PLA2R1: variants seen among roughly 807,000 people sequenced by gnomAD.
PLA2R1 encodes phospholipase A2 receptor 1.
Under a neutral mutation model 195.9 loss-of-function variants are expected in PLA2R1, and 158 were observed. The ratio of observed to expected loss-of-function variants is 0.81; its 90% CI spans 0.71 to 0.92. The LOEUF (loss-of-function observed/expected upper bound fraction) is 0.92. Among genes scored for constraint, PLA2R1 ranks in the 40% least tolerant of loss-of-function variants. The pLI, the probability that PLA2R1 is intolerant of heterozygous loss-of-function variation, is 0.00. For missense variants in PLA2R1, 1,626 were observed against 1,764.6 expected (o/e 0.92, Z 1.41); for synonymous variants, 586 against 598.2 (o/e 0.98, Z 0.30).
chr2:160,031,913 C>A (rs1693874674), intron 4 of PLA2R1, among the ~76,000 whole-genome samples: 1 of 152,156 alleles, frequency 6.6e-6, no homozygotes, highest in South Asian at 2.1e-4. Flanking sequence ...ACTACGGGTG[C>A]ATGCCACCAC....
At chr2:159,995,391 A>C (rs1423642654) in intron 11 of PLA2R1, among the ~76,000 whole-genome samples, 1 of 152,090 alleles carries the variant, frequency 6.6e-6, no homozygotes, top group African/African-American at 2.4e-5. Context: ...GATTTTCGAC[A>C]TCTAAATATG....
chr2:160,001,472 C>T (rs1347340918), intron 11 of PLA2R1, among the ~76,000 whole-genome samples: 2 of 151,690 alleles, frequency 1.3e-5, no homozygotes, highest in Non-Finnish European at 3.0e-5. Context: ...TATACATAAT[C>T]ACAAAAAATA....
rs892525770 is a variant in PLA2R1 at position 160,028,445 on chromosome 2, G to A, written c.956-84C>T. ...TTGAAATGTGGTTTTCAGCATCGGG[G>A]GACAGCGTTTCTATTTGTCATATAT... On this transcript the variant is annotated intron_variant, in intron 5 of 29. Transcript: ENST00000283243. 1.2e-5 allele frequency: 11 copies of A among 950,346 alleles called. No homozygotes were observed. The Admixed American group carries it at 2.4e-4, about 21-fold the overall frequency. 58.9% of individuals were successfully genotyped at this position (950,346 alleles called of 1,614,324 possible). A position where few individuals can be genotyped will look rare whatever the true frequency, so the allele number is the denominator to read the frequency against.
At position 159,976,677 on chromosome 2, in the gene PLA2R1, A is replaced by G. The variant is rs2715918; in HGVS notation, c.2437+8T>C. ...TAGAAATTCAAGAGCTGCCAGAGTCATTCTTACCGTACTGGTACCAGAACG... is the reference window on the plus strand; with the variant it reads ...TAGAAATTCAAGAGCTGCCAGAGTCGTTCTTACCGTACTGGTACCAGAACG... On this transcript the variant is annotated splice_region_variant and intron_variant, in intron 16 of 29. Coordinates refer to ENST00000283243, the MANE Select transcript of PLA2R1 (RefSeq NM_007366.5). 0.83 allele frequency: 1,297,494 copies of G among 1,570,482 alleles called. 539,043 individuals are homozygous for G. Among genetic ancestry groups the G allele is most frequent in the African/African-American group, 0.88 (65,403 of 74,170 alleles).
chr2:160,023,624 C>T (rs2105480241), intron 6 of PLA2R1, among the ~76,000 whole-genome samples: 1 of 152,344 alleles, frequency 6.6e-6, no homozygotes, highest in South Asian at 2.1e-4. Context: ...GCCCAAGCTG[C>T]TGCTCTGCCT....
rs544874198 is a variant in PLA2R1, at chr2:159,939,001, A to G, written c.*2777T>C. 11 of 152,276 alleles carry G rather than the reference A, an allele frequency of 7.2e-5. No homozygotes were observed. Among genetic ancestry groups the G allele is most frequent in the African/African-American group, 2.4e-4 (10 of 41,560 alleles). 9.4% of individuals were successfully genotyped at this position (152,276 alleles called of 1,614,324 possible). On this transcript the variant is annotated 3_prime_UTR_variant, in exon 30 of 30. Coordinates refer to ENST00000283243, the MANE Select transcript of PLA2R1 (RefSeq NM_007366.5). ...TCAGGTTAGTCATAGAACATAATTGACTGTTGGAGGGGCACATTAACTATG... is the reference window on the plus strand; with the variant it reads ...TCAGGTTAGTCATAGAACATAATTGGCTGTTGGAGGGGCACATTAACTATG...
In PLA2R1 at chr2:160,028,357, T is replaced by C; in HGVS notation, c.960A>G (p.Val320=). The C allele has an allele frequency of 6.2e-7, 1 of 1,604,840 alleles. No homozygotes were observed. Among genetic ancestry groups the C allele is most frequent in the Non-Finnish European group, 8.5e-7 (1 of 1,173,406 alleles). ...PLNYLNWSPE[V]NFEPFVEDHC... Reference sequence around the variant, plus strand: ...GATCTTCAACAAATGGCTCAAAATTTACCTCTGAAAATACAATGAGTGTCT... The same window carrying C: ...GATCTTCAACAAATGGCTCAAAATTCACCTCTGAAAATACAATGAGTGTCT... Residue 320 remains valine, a synonymous_variant, in exon 6 of 30, where the codon GTA becomes GTG. Transcript: ENST00000283243.
downstream of PLA2R1, among the ~76,000 whole-genome samples, chr2:159,931,649 G>A (rs1194637490): frequency 3.9e-5 from 6 of 152,072 alleles, no homozygotes; most frequent in African/African-American, 7.2e-5. Context: ...AATCTCCCCC[G>A]GCTCAGCCTC....
In PLA2R1 at chr2:160,028,757, C is replaced by T. The variant is rs1693673403; in HGVS notation, c.955+93G>A. 2.3e-5 allele frequency: 17 copies of T among 753,338 alleles called. No homozygotes were observed. The South Asian group carries it at 2.4e-4, about 11-fold the overall frequency. The allele number at this position is 753,338 out of a possible 1,614,324, so 46.7% of individuals were successfully genotyped here. On this transcript the variant is annotated intron_variant, in intron 5 of 29. Coordinates refer to ENST00000283243, the MANE Select transcript of PLA2R1 (RefSeq NM_007366.5). ...CTAAAAAATGTTTATACACTACTCT[C>T]AAAAAAGCATGTCCTATGTGCATGG... is the stretch of plus-strand genomic sequence containing the variant.
intron 12 of PLA2R1, among the ~76,000 whole-genome samples, chr2:159,986,865 G>A (rs144171414): frequency 0.013 from 1,939 of 152,300 alleles, 26 homozygotes; most frequent in African/African-American, 0.044. Context: ...GGGATTACAG[G>A]CGTGAGTCAC....
At chr2:160,012,164 G>A (rs1692408179) in intron 10 of PLA2R1, among the ~76,000 whole-genome samples, 1 of 152,224 alleles carries the variant, frequency 6.6e-6, no homozygotes, top group African/African-American at 2.4e-5. Flanking sequence ...GGTAAAACCA[G>A]TTGTCCTATT....
At chr2:160,051,285 G>A (rs1278010568) in intron 1 of PLA2R1, among the ~76,000 whole-genome samples, 3 of 152,208 alleles carry the variant, frequency 2.0e-5, no homozygotes, top group Non-Finnish European at 4.4e-5. Context: ...CAAGCTATTA[G>A]AAAGCCACAG....
chr2:160,022,269 G>A (rs938917601), intron 7 of PLA2R1, among the ~76,000 whole-genome samples: 2 of 151,814 alleles, frequency 1.3e-5, no homozygotes, highest in Admixed American at 1.3e-4. Context: ...CATGTTCACT[G>A]GCTAAAATTG....
chr2:159,928,468 A>G (rs7564381), downstream of PLA2R1, among the ~76,000 whole-genome samples: 8,497 of 152,266 alleles, frequency 0.056, 766 homozygotes, highest in African/African-American at 0.19. Context: ...AAAGACCTCT[A>G]CAAGGAAAGC....
intron 11 of PLA2R1, among the ~76,000 whole-genome samples, chr2:159,988,968 C>T (rs1330213494): frequency 1.3e-5 from 2 of 152,210 alleles, no homozygotes; most frequent in Admixed American, 6.5e-5. Flanking sequence ...GTGTGTTAGG[C>T]ACCAGCATCG....
At chr2:160,062,144 T>A in intron 1 of PLA2R1, 151 bp downstream of exon 1, 1 of 564,630 alleles carries the variant, frequency 1.8e-6, no homozygotes, top group Non-Finnish European at 3.1e-6. Flanking sequence ...GCTCCCCCCA[T>A]GCTCAGGACT....
Position 160,034,703 on chromosome 2 carries a change from C to T in PLA2R1, c.668-1571G>A, listed in dbSNP as rs528081621. Among the ~76,000 whole-genome samples, 59 of 152,154 alleles carry T rather than the reference C, an allele frequency of 3.9e-4. 1 individual carries two copies. The highest frequency in any genetic ancestry group is 1.3e-3 in the African/African-American group (52 of 41,496). On this transcript the variant is annotated intron_variant, in intron 3 of 29. Coordinates refer to ENST00000283243, the MANE Select transcript of PLA2R1 (RefSeq NM_007366.5). Reference sequence around the variant, plus strand: ...ATTCTAGCACTTTGGGAGGCTGAAGCGGGAGGATCACTTGAAGTCAGGAGT... The same window carrying T: ...ATTCTAGCACTTTGGGAGGCTGAAGTGGGAGGATCACTTGAAGTCAGGAGT...
At position 159,976,674 on chromosome 2, in the gene PLA2R1, GTCAT is replaced by G; in HGVS notation, c.2437+7_2437+10del. 6.4e-7 allele frequency: 1 copy of G among 1,568,588 alleles called. No homozygotes were observed. On this transcript the variant is annotated splice_region_variant and intron_variant, in intron 16 of 29. Coordinates refer to ENST00000283243, the MANE Select transcript of PLA2R1 (RefSeq NM_007366.5). Reference sequence around the variant, plus strand: ...AATTAGAAATTCAAGAGCTGCCAGAGTCATTCTTACCGTACTGGTACCAGAACGG... The same window carrying G: ...AATTAGAAATTCAAGAGCTGCCAGAGTCTTACCGTACTGGTACCAGAACGG...
In PLA2R1 at chr2:159,934,242, G is replaced by A. The variant is rs903335446; in HGVS notation, c.*7536C>T. 3 of 152,194 alleles carry A rather than the reference G, an allele frequency of 2.0e-5. No individual in the cohort carries two copies. Among genetic ancestry groups the A allele is most frequent in the South Asian group, 2.1e-4 (1 of 4,828 alleles). The allele number at this position is 152,194 out of a possible 1,614,324, so 9.4% of individuals were successfully genotyped here. A position where few individuals can be genotyped will look rare whatever the true frequency, so the allele number is the denominator to read the frequency against. ...CTGTACCCTATTAATACTAAGGCAC[G>A]AGGTTGTAGGGGATAGCAGGACTAT... On this transcript the variant is annotated 3_prime_UTR_variant, in exon 30 of 30. Transcript: ENST00000283243.
Sources: gnomAD v4.1 joint callset for allele counts (sites outside exome capture counted in the v4.1 genomes callset) on GRCh38, gnomAD v4.1.1 for gene constraint, MANE v1.5 for transcripts, NCBI Gene and HGNC (gene_info 2026-07-23, HGNC 2026-07-21) for gene names.